Variants in STK3 observed in about 807,000 individuals in gnomAD.
STK3 encodes serine/threonine-protein kinase 3.
Under a neutral mutation model 58.0 loss-of-function variants are expected in STK3, and 41 were observed. That is an observed-to-expected ratio of 0.71 (90% CI 0.55 to 0.92). The LOEUF (loss-of-function observed/expected upper bound fraction) is 0.92. Among genes scored for constraint, STK3 ranks in the 40% least tolerant of loss-of-function variants. The pLI is 0.00. For synonymous variants in STK3, 170 were observed against 191.0 expected (o/e 0.89, Z 0.91); for missense variants, 479 against 602.7 (o/e 0.79, Z 2.15).
chr8:98,938,321 T>C (rs1200370211), intron 1 of STK3, among the ~76,000 whole-genome samples: 2 of 151,974 alleles, frequency 1.3e-5, no homozygotes, highest in African/African-American at 4.8e-5. Flanking sequence ...AGGAGAGAAG[T>C]TCAAGTGAAG....
intron 7 of STK3, among the ~76,000 whole-genome samples, chr8:98,592,737 A>C (rs1415029143): frequency 8.4e-4 from 75 of 88,948 alleles, no homozygotes; most frequent in East Asian, 4.5e-3. Flanking sequence ...GACTTACTTT[A>C]TTTATTTATT....
intron 10 of STK3, among the ~76,000 whole-genome samples, chr8:98,484,478 T>C (rs1012566298): frequency 6.6e-6 from 1 of 152,158 alleles, no homozygotes; most frequent in Non-Finnish European, 1.5e-5. Context: ...GGAAAACTAC[T>C]GTGATTTGTT....
At chr8:98,590,352 G>A (rs544477293) in intron 7 of STK3, among the ~76,000 whole-genome samples, 1 of 152,130 alleles carries the variant, frequency 6.6e-6, no homozygotes, top group East Asian at 1.9e-4. Flanking sequence ...AAAGCTCGGC[G>A]TCCGTGATGG....
At chr8:98,804,279 G>C (rs574624913) in intron 1 of STK3, among the ~76,000 whole-genome samples, 1 of 152,310 alleles carries the variant, frequency 6.6e-6, no homozygotes, top group African/African-American at 2.4e-5. Context: ...TGGGATTACA[G>C]GCGTGAGCCA....
intron 10 of STK3, among the ~76,000 whole-genome samples, chr8:98,467,885 T>C (rs1290343237): frequency 2.0e-5 from 3 of 152,210 alleles, no homozygotes; most frequent in Non-Finnish European, 2.9e-5. Context: ...AATTTTCTGC[T>C]TCACTGACAT....
intron 1 of STK3, among the ~76,000 whole-genome samples, chr8:98,904,336 A>G (rs1188010899): frequency 6.6e-6 from 1 of 152,210 alleles, no homozygotes; most frequent in Non-Finnish European, 1.5e-5. Flanking sequence ...GGATGCCAGC[A>G]TAATCCTTAC....
At chr8:98,657,209 A>T (rs1821615492) in intron 6 of STK3, among the ~76,000 whole-genome samples, 1 of 152,064 alleles carries the variant, frequency 6.6e-6, no homozygotes, top group Non-Finnish European at 1.5e-5. Context: ...ACCCATATAT[A>T]GTGCTTTCTA....
chr8:98,686,159 T>C (rs973620997), intron 6 of STK3, among the ~76,000 whole-genome samples: 3 of 152,176 alleles, frequency 2.0e-5, no homozygotes, highest in Non-Finnish European at 2.9e-5. Context: ...TCTGCTGTGC[T>C]TACTACTACT....
At chr8:98,638,337 T>C (rs1451171409) in intron 6 of STK3, 1 of 152,230 alleles carries the variant, frequency 6.6e-6, no homozygotes, top group Non-Finnish European at 1.5e-5. Flanking sequence ...TTTTTTAAAC[T>C]TGCCTAAATT....
intron 1 of STK3, among the ~76,000 whole-genome samples, chr8:98,884,990 C>T (rs762335731): frequency 2.6e-5 from 4 of 152,158 alleles, no homozygotes; most frequent in Non-Finnish European, 2.9e-5. Context: ...CCAGGTTCCC[C>T]GTGTGGTTGG....
rs116479896 is a variant in STK3 at position 98,703,066 on chromosome 8, C to T, written c.684+3401G>A. On this transcript the variant is annotated intron_variant, in intron 6 of 10. Coordinates refer to ENST00000419617, the MANE Select transcript of STK3 (RefSeq NM_006281.4). The stretch of plus-strand genomic sequence containing the variant: ...ACCAAAACATGGCTGGAAAACAAAA[C>T]TTTAAAAATTGAAATCTTACCTAGG... 7.4e-3 allele frequency among the ~76,000 whole-genome samples: 1,121 copies of T among 152,176 alleles called. 17 individuals carry two copies. The highest frequency in any genetic ancestry group is 0.026 in the African/African-American group (1,080 of 41,520).
chr8:98,748,631 T>C (rs1203572457), intron 4 of STK3, among the ~76,000 whole-genome samples: 1 of 152,048 alleles, frequency 6.6e-6, no homozygotes, highest in Non-Finnish European at 1.5e-5. Context: ...AAGGTCACTT[T>C]GGTCCATACA....
chr8:98,471,281 G>A (rs1237579462), intron 10 of STK3, among the ~76,000 whole-genome samples: 2 of 151,720 alleles, frequency 1.3e-5, no homozygotes, highest in South Asian at 2.1e-4. Flanking sequence ...TGGCTATACA[G>A]TACCCTCTGG....
intron 10 of STK3, among the ~76,000 whole-genome samples, chr8:98,502,421 G>A (rs532458484): frequency 6.4e-4 from 98 of 152,168 alleles, no homozygotes; most frequent in South Asian, 1.5e-3. Flanking sequence ...TGATTGCCCT[G>A]ACCAGAACTT....
At chr8:98,450,563 T>C (rs1036405445), downstream of STK3, among the ~76,000 whole-genome samples, 2 of 152,248 alleles carry the variant, frequency 1.3e-5, no homozygotes, top group African/African-American at 4.8e-5. Context: ...CCATGCTGAT[T>C]AATGTTTCTC....
intron 3 of STK3, among the ~76,000 whole-genome samples, chr8:98,845,350 C>T (rs960613266): frequency 1.2e-4 from 18 of 152,246 alleles, no homozygotes; most frequent in East Asian, 1.9e-4. Flanking sequence ...TAAGTTTTGA[C>T]GAGTCTCTCA....
intron 1 of STK3, among the ~76,000 whole-genome samples, chr8:98,923,162 A>C (rs1839638069): frequency 6.6e-6 from 1 of 152,250 alleles, no homozygotes; most frequent in African/African-American, 2.4e-5. Context: ...AATGAAGCAA[A>C]ATGTATACTT....
intron 3 of STK3, among the ~76,000 whole-genome samples, chr8:98,861,556 C>T (rs917116273): frequency 6.6e-6 from 1 of 151,924 alleles, no homozygotes; most frequent in Non-Finnish European, 1.5e-5. Context: ...CAGTGTTGCC[C>T]AGGCTGGTCT....
chr8:98,523,263 T>G (rs761928841), intron 10 of STK3, among the ~76,000 whole-genome samples: 6 of 152,192 alleles, frequency 3.9e-5, no homozygotes, highest in Admixed American at 1.3e-4. Flanking sequence ...AGTATCTTAT[T>G]GTAGTTTTGA....
Sources: allele counts gnomAD v4.1 joint callset (sites outside exome capture counted in the v4.1 genomes callset), GRCh38; gene constraint gnomAD v4.1.1; transcripts MANE v1.5; gene names NCBI Gene and HGNC (gene_info 2026-07-23, HGNC 2026-07-21).